The following RXYLT1 variants were observed in gnomAD, a reference collection of about 807,000 sequenced individuals.
RXYLT1 encodes the protein ribitol xylosyltransferase 1.
Under a neutral mutation model 43.5 loss-of-function variants are expected in RXYLT1, and 41 were observed. That is an observed-to-expected ratio of 0.94 (90% CI 0.73 to 1.22). RXYLT1 has a LOEUF of 1.22. Ranked by LOEUF, RXYLT1 falls within the 50% of genes most tolerant of loss-of-function variation. RXYLT1 has a pLI of 0.00. For missense variants in RXYLT1, 514 were observed against 532.0 expected (o/e 0.97, Z 0.33); for synonymous variants, 166 against 194.4 (o/e 0.85, Z 1.21).
chr12:63,786,942 C>T (rs930909337), intron 3 of RXYLT1, among the ~76,000 whole-genome samples: 4 of 152,022 alleles, frequency 2.6e-5, no homozygotes, highest in East Asian at 1.9e-4. Context: ...CGTGAAACCC[C>T]GTCTCTACTA....
intron 3 of RXYLT1, among the ~76,000 whole-genome samples, chr12:63,792,527 G>A (rs1430356905): frequency 6.6e-6 from 1 of 152,234 alleles, no homozygotes; most frequent in East Asian, 1.9e-4. Flanking sequence ...CAGCCTGGCA[G>A]AGTAAACACT....
At position 63,779,977 on chromosome 12, in the gene RXYLT1, A is replaced by G. The variant is rs145516652; in HGVS notation, c.17A>G (p.Lys6Arg). 1.9e-4 allele frequency: 306 copies of G among 1,610,268 alleles called. No homozygotes were observed. Among genetic ancestry groups the G allele is most frequent in the Non-Finnish European group, 2.5e-4 (298 of 1,178,494 alleles). ...CCGAGTGGGATGCGGCTGACGCGGA[A>G]GCGGCTCTGCTCGTTTCTTATCGCC... Reference protein sequence around the residue: MRLTRKRLCSFLIALY... With the variant: MRLTRRRLCSFLIALY... The change falls in exon 1 of 6, where the codon AAG (lysine) becomes AGG (arginine). Residue 6 changes from lysine to arginine, a missense_variant. By Grantham distance (26) the Lys-to-Arg change is conservative. Coordinates refer to ENST00000261234, the MANE Select transcript of RXYLT1 (RefSeq NM_014254.3).
chr12:63,807,157 A>G (rs1304745092), intron 5 of RXYLT1: 1 of 152,200 alleles, frequency 6.6e-6, no homozygotes, highest in Non-Finnish European at 1.5e-5. Flanking sequence ...GGCACTTAGA[A>G]TCTATTGTTC....
intron 4 of RXYLT1, chr12:63,803,593 A>G (rs1036015188): frequency 6.6e-6 from 1 of 152,186 alleles, no homozygotes; most frequent in African/African-American, 2.4e-5. Flanking sequence ...GCCTACTCCT[A>G]TAACACCCTA....
rs1446551895 is a variant in RXYLT1 at position 63,780,170 on chromosome 12, T to TGGCTGGGGCTGCTGGGC, written c.169+51_169+67dup. 2.6e-5 allele frequency: 37 copies of TGGCTGGGGCTGCTGGGC among 1,413,938 alleles called. No homozygotes were observed. The African/African-American group carries it at 5.5e-4, about 21-fold the overall frequency. 87.6% of individuals were successfully genotyped at this position (1,413,938 alleles called of 1,614,324 possible). ...CGGCTTCCTTCCGGCTCTGCGCTCC[T>TGGCTGGGGCTGCTGGGC]GGCTGGGGCTGCTGGGCGGCTGGGG... On this transcript the variant is annotated intron_variant, in intron 1 of 5. Transcript: ENST00000261234.
Position 63,779,967 on chromosome 12 carries a change from C to A in RXYLT1, c.7C>A (p.Leu3Met). MR[L>M]TRKRLCSFLI... ...GACTGGAAGCCCGAGTGGGATGCGG[C>A]TGACGCGGAAGCGGCTCTGCTCGTT... The change falls in exon 1 of 6, where the codon CTG (leucine) becomes ATG (methionine). Residue 3 changes from leucine to methionine, a missense_variant. Transcript: ENST00000261234. 1 of 1,610,758 alleles carries A rather than the reference C, an allele frequency of 6.2e-7. No homozygotes were observed.
chr12:63,807,548 CAGG>C (rs888134430), intron 5 of RXYLT1: 9 of 152,220 alleles, frequency 5.9e-5, no homozygotes, highest in African/African-American at 2.2e-4. Flanking sequence ...TGAGAATAGT[CAGG>C]AGAAAGCATC....
intron 3 of RXYLT1, among the ~76,000 whole-genome samples, chr12:63,792,938 C>T (rs931241889): frequency 6.6e-6 from 1 of 152,042 alleles, no homozygotes; most frequent in Non-Finnish European, 1.5e-5. Context: ...CTATGTTGCC[C>T]AGACTGGAGT....
At chr12:63,784,120 G>A (rs575693284) in intron 2 of RXYLT1, among the ~76,000 whole-genome samples, 1 of 152,234 alleles carries the variant, frequency 6.6e-6, no homozygotes, top group South Asian at 2.1e-4. Flanking sequence ...GCCATGTAAG[G>A]TAACATATTC....
chr12:63,791,689 G>A (rs987433069), intron 3 of RXYLT1, among the ~76,000 whole-genome samples: 3 of 152,176 alleles, frequency 2.0e-5, no homozygotes, highest in African/African-American at 7.2e-5. Context: ...TTCTTTTAAT[G>A]TTAAAATATC....
intron 3 of RXYLT1, among the ~76,000 whole-genome samples, chr12:63,794,793 T>C (rs981252077): frequency 2.0e-5 from 3 of 151,136 alleles, no homozygotes; most frequent in African/African-American, 7.3e-5. Flanking sequence ...TGATTTTTCA[T>C]TTAAAAAAAA....
chr12:63,781,559 A>AAG (rs1335074526), intron 2 of RXYLT1, among the ~76,000 whole-genome samples: 1 of 152,242 alleles, frequency 6.6e-6, no homozygotes, highest in African/African-American at 2.4e-5. Flanking sequence ...GGAAACACTG[A>AAG]AGAGTACAAA....
At chr12:63,783,048 A>G (rs1487380571) in intron 2 of RXYLT1, among the ~76,000 whole-genome samples, 3 of 152,208 alleles carry the variant, frequency 2.0e-5, no homozygotes, top group Non-Finnish European at 4.4e-5. Context: ...TCTGCTTTCC[A>G]TGTAACTGCA....
At chr12:63,806,343 G>A (rs1898290757) in intron 5 of RXYLT1, 1 of 152,212 alleles carries the variant, frequency 6.6e-6, no homozygotes, top group Non-Finnish European at 1.5e-5. Context: ...AAAAAATTAA[G>A]CAGAAGAATG....
At chr12:63,799,760 A>C (rs1898117434) in intron 3 of RXYLT1, among the ~76,000 whole-genome samples, 2 of 152,096 alleles carry the variant, frequency 1.3e-5, no homozygotes, top group African/African-American at 4.8e-5. Context: ...TTGGCCTAAC[A>C]TGGGGAAGGA....
Position 63,780,330 on chromosome 12 carries a change from C to T in RXYLT1, c.169+201C>T, listed in dbSNP as rs1362391251. The T allele has an allele frequency of 7.0e-5, 91 of 1,292,036 alleles. 1 individual carries two copies. In the Admixed American group the frequency reaches 3.7e-3, roughly 53 times the overall value. The allele number at this position is 1,292,036 out of a possible 1,614,324, so 80.0% of individuals were successfully genotyped here. Reference sequence around the variant, plus strand: ...TCCTCATTCTTACCCAGATCTCACACGCCGTCCCCGCTCCCGATCCCAGGG... The same window carrying T: ...TCCTCATTCTTACCCAGATCTCACATGCCGTCCCCGCTCCCGATCCCAGGG... On this transcript the variant is annotated intron_variant, in intron 1 of 5. Transcript: ENST00000261234.
chr12:63,782,215 G>C (rs1441820192), intron 2 of RXYLT1, among the ~76,000 whole-genome samples: 1 of 151,976 alleles, frequency 6.6e-6, no homozygotes, highest in African/African-American at 2.4e-5. Flanking sequence ...TCTAGACACA[G>C]TTATAAAATA....
chr12:63,784,421 C>T (rs1897756059), intron 2 of RXYLT1, among the ~76,000 whole-genome samples: 1 of 152,124 alleles, frequency 6.6e-6, no homozygotes, highest in Non-Finnish European at 1.5e-5. Context: ...ACATCAGGGG[C>T]TGCCATAAGG....
chr12:63,793,568 A>AGGGG (rs1173846162), intron 3 of RXYLT1, among the ~76,000 whole-genome samples: 1 of 152,180 alleles, frequency 6.6e-6, no homozygotes, highest in Non-Finnish European at 1.5e-5. Context: ...ATTAATATAT[A>AGGGG]ATATTTCTAC....
Sources: allele counts gnomAD v4.1 joint callset (sites outside exome capture counted in the v4.1 genomes callset), GRCh38; gene constraint gnomAD v4.1.1; transcripts MANE v1.5; gene names NCBI Gene and HGNC (gene_info 2026-07-23, HGNC 2026-07-21).